AFG1L: variants seen among roughly 807,000 people sequenced by gnomAD.
AFG1L encodes AFG1-like ATPase.
Under a neutral mutation model 62.2 loss-of-function variants are expected in AFG1L, and 53 were observed. That is an observed-to-expected ratio of 0.85 (90% CI 0.68 to 1.07). AFG1L has a LOEUF of 1.07. Among genes scored for constraint, AFG1L ranks in the 50% least tolerant of loss-of-function variants. The pLI, the probability that AFG1L is intolerant of heterozygous loss-of-function variation, is 0.00. For missense variants in AFG1L, 555 were observed against 590.5 expected (o/e 0.94, Z 0.62); for synonymous variants, 228 against 210.3 (o/e 1.08, Z -0.73).
At chr6:108,471,279 C>T (rs921648838) in intron 8 of AFG1L, among the ~76,000 whole-genome samples, 8 of 151,976 alleles carry the variant, frequency 5.3e-5, no homozygotes, top group East Asian at 1.9e-4. Context: ...GCAGAGACAC[C>T]GTATAAGACT....
intron 7 of AFG1L, among the ~76,000 whole-genome samples, chr6:108,419,589 A>G (rs1770495109): frequency 6.6e-6 from 1 of 152,218 alleles, no homozygotes; most frequent in African/African-American, 2.4e-5. Flanking sequence ...AATATGTAAC[A>G]TAAAGAAGTG....
rs1334047124 is a variant in AFG1L, at chr6:108,525,291, C to T, written c.*2866C>T. The stretch of plus-strand genomic sequence containing the variant: ...CATATTTCTTTAGGCAGTGTATGAG[C>T]TTATTTGCTGATATCACTAATCCTG... On this transcript the variant is annotated 3_prime_UTR_variant, in exon 13 of 13. Coordinates refer to ENST00000368977, the MANE Select transcript of AFG1L (RefSeq NM_145315.5). 2 of 152,146 alleles carry T rather than the reference C, an allele frequency of 1.3e-5. No individual in the cohort carries two copies. Among genetic ancestry groups the T allele is most frequent in the Non-Finnish European group, 2.9e-5 (2 of 68,018 alleles). 9.4% of individuals were successfully genotyped at this position (152,146 alleles called of 1,614,324 possible).
chr6:108,326,874 C>T (rs1778065450), intron 2 of AFG1L, among the ~76,000 whole-genome samples: 1 of 151,906 alleles, frequency 6.6e-6, no homozygotes, highest in Admixed American at 6.6e-5. Flanking sequence ...GCAGGAGAAT[C>T]GCTTGAATCC....
chr6:108,337,063 T>C (rs1778501047), intron 2 of AFG1L, among the ~76,000 whole-genome samples: 1 of 152,228 alleles, frequency 6.6e-6, no homozygotes. Flanking sequence ...GGTCTTGCTA[T>C]AGCCCAGGCT....
At chr6:108,336,729 A>G (rs1296106373) in intron 2 of AFG1L, among the ~76,000 whole-genome samples, 1 of 152,182 alleles carries the variant, frequency 6.6e-6, no homozygotes, top group Non-Finnish European at 1.5e-5. Context: ...GTTTTTTTCC[A>G]ACTTTTCATT....
intron 10 of AFG1L, among the ~76,000 whole-genome samples, chr6:108,501,708 C>CT (rs1401837454): frequency 6.6e-6 from 1 of 152,110 alleles, no homozygotes; most frequent in East Asian, 1.9e-4. Context: ...ATTACTGTCT[C>CT]TCTCACTCCC....
chr6:108,491,849 G>A (rs1773788825), intron 10 of AFG1L, among the ~76,000 whole-genome samples: 1 of 152,132 alleles, frequency 6.6e-6, no homozygotes, highest in South Asian at 2.1e-4. Flanking sequence ...GCAGAAGAGT[G>A]GGAGGAAGAA....
chr6:108,329,488 G>A (rs1778189584), intron 2 of AFG1L, among the ~76,000 whole-genome samples: 1 of 150,746 alleles, frequency 6.6e-6, no homozygotes, highest in African/African-American at 2.4e-5. Flanking sequence ...TAGTAGAGAC[G>A]GGGTTTCACC....
At chr6:108,501,825 G>A (rs1206068411) in intron 10 of AFG1L, among the ~76,000 whole-genome samples, 4 of 152,140 alleles carry the variant, frequency 2.6e-5, no homozygotes, top group African/African-American at 7.2e-5. Context: ...CACTGGAACC[G>A]ATGAGTCGCA....
chr6:108,492,499 A>G (rs185981328), intron 10 of AFG1L, among the ~76,000 whole-genome samples: 1 of 152,330 alleles, frequency 6.6e-6, no homozygotes, highest in East Asian at 1.9e-4. Flanking sequence ...GTGGAAACAT[A>G]TTTCAGCCTT....
intron 8 of AFG1L, among the ~76,000 whole-genome samples, chr6:108,466,777 A>C (rs1248832352): frequency 6.8e-6 from 1 of 148,092 alleles, no homozygotes; most frequent in East Asian, 1.9e-4. Flanking sequence ...ATATTTTAAA[A>C]AATATATATA....
At chr6:108,367,305 A>T (rs1318091664) in intron 6 of AFG1L, among the ~76,000 whole-genome samples, 1 of 152,120 alleles carries the variant, frequency 6.6e-6, no homozygotes, top group Non-Finnish European at 1.5e-5. Flanking sequence ...GGATGATTGC[A>T]TGTTTTAAAA....
At chr6:108,373,170 T>C (rs370884676) in intron 6 of AFG1L, among the ~76,000 whole-genome samples, 1 of 151,996 alleles carries the variant, frequency 6.6e-6, no homozygotes, top group East Asian at 1.9e-4. Context: ...ACAGTTAGTT[T>C]TTCCACCCTT....
chr6:108,457,304 T>C (rs1246827095), intron 8 of AFG1L, among the ~76,000 whole-genome samples: 1 of 152,084 alleles, frequency 6.6e-6, no homozygotes, highest in African/African-American at 2.4e-5. Flanking sequence ...TTTTTAAGAT[T>C]CCCTTTTACT....
chr6:108,490,529 T>C (rs1369396855), intron 10 of AFG1L, among the ~76,000 whole-genome samples: 10 of 152,250 alleles, frequency 6.6e-5, no homozygotes, highest in Admixed American at 6.5e-4. Flanking sequence ...AACTGTAAGT[T>C]GTAAATTACT....
intron 7 of AFG1L, among the ~76,000 whole-genome samples, chr6:108,403,699 C>T (rs183581722): frequency 2.5e-3 from 369 of 150,222 alleles, no homozygotes; most frequent in Non-Finnish European, 3.7e-3. Flanking sequence ...ATAGTGTCTT[C>T]ATATAGCATA....
At chr6:108,354,477 G>A (rs951098854) in intron 3 of AFG1L, among the ~76,000 whole-genome samples, 1 of 151,936 alleles carries the variant, frequency 6.6e-6, no homozygotes, top group Non-Finnish European at 1.5e-5. Context: ...GCTAATTTTT[G>A]TACTTTTAGT....
chr6:108,522,491 G>T lies in AFG1L; in HGVS notation c.*66G>T. ...ACGCAGGCAGAACTCCTTATTGTGG[G>T]ACTTGAAGGAATCATTTTCTCATCA... is the stretch of plus-strand genomic sequence containing the variant. On this transcript the variant is annotated 3_prime_UTR_variant, in exon 13 of 13. Coordinates refer to ENST00000368977, the MANE Select transcript of AFG1L (RefSeq NM_145315.5). 6.7e-7 allele frequency: 1 copy of T among 1,497,382 alleles called. No homozygotes were observed. The highest frequency in any genetic ancestry group is 1.3e-5 in the South Asian group (1 of 78,752). 92.8% of individuals were successfully genotyped at this position (1,497,382 alleles called of 1,614,324 possible). A position where few individuals can be genotyped will look rare whatever the true frequency, so the allele number is the denominator to read the frequency against.
intron 7 of AFG1L, among the ~76,000 whole-genome samples, chr6:108,405,717 A>T (rs577899838): frequency 1.3e-5 from 2 of 152,308 alleles, no homozygotes; most frequent in Middle Eastern, 6.8e-3. Flanking sequence ...AAGCACCACC[A>T]TGATTCATCT....
Sources: allele counts gnomAD v4.1 joint callset (sites outside exome capture counted in the v4.1 genomes callset), GRCh38; gene constraint gnomAD v4.1.1; transcripts MANE v1.5; gene names NCBI Gene and HGNC (gene_info 2026-07-23, HGNC 2026-07-21).